Variants in BPIFB3 observed in about 807,000 individuals in gnomAD.
The protein encoded by BPIFB3 is BPI fold-containing family B member 3.
In BPIFB3, 49 loss-of-function variants were observed where a neutral mutation model predicts 53.1. The observed-to-expected ratio is 0.92, with a 90% CI of 0.73 to 1.17. The LOEUF is 1.17. BPIFB3 is among the 50% of genes most tolerant of loss of function. The pLI, the probability that BPIFB3 is intolerant of heterozygous loss-of-function variation, is 0.00. For missense variants in BPIFB3, 628 were observed against 592.5 expected, an observed-to-expected ratio of 1.06 and a Z score of -0.62; for synonymous variants, 271 against 269.6, an observed-to-expected ratio of 1.01 and a Z score of -0.05.
chr20:33,057,058 A>G (rs987705805), intron 2 of BPIFB3, among the ~76,000 whole-genome samples: 1 of 152,092 alleles, frequency 6.6e-6, no homozygotes, highest in Non-Finnish European at 1.5e-5. Context: ...CCCACCATAC[A>G]TTTTACAGGT....
chr20:33,057,194 T>C (rs1980246039), intron 2 of BPIFB3, among the ~76,000 whole-genome samples: 3 of 150,970 alleles, frequency 2.0e-5, no homozygotes, highest in South Asian at 2.1e-4. Flanking sequence ...AGCTTTTTTT[T>C]CCCTTTTTTT....
In BPIFB3 at chr20:33,065,238, T is replaced by C. The variant is rs529201377; in HGVS notation, c.924+393T>C. 2.6e-5 allele frequency among the ~76,000 whole-genome samples: 4 copies of C among 152,228 alleles called. No homozygotes were observed. In the East Asian group the frequency reaches 7.7e-4, roughly 29 times the overall value. ...TTCCACTGCTTTCTCAAGAGCAGATTTGAGTGGGAGAAAAGAAAACTAGGC... is the reference window on the plus strand; with the variant it reads ...TTCCACTGCTTTCTCAAGAGCAGATCTGAGTGGGAGAAAAGAAAACTAGGC... On this transcript the variant is annotated intron_variant, in intron 8 of 14. Transcript: ENST00000375494.
chr20:33,064,947 C>T lies in BPIFB3; in HGVS notation c.924+102C>T, dbSNP rs556510624. ...GCCCTGATCAGCCTTGCTGAGCCCT[C>T]CTCTCTATAATAAAAGGGAGTTGAA... On this transcript the variant is annotated intron_variant, in intron 8 of 14. Transcript: ENST00000375494. 8 of 1,281,578 alleles carry T rather than the reference C, an allele frequency of 6.2e-6. No individual in the cohort carries two copies. In the South Asian group the frequency reaches 1.2e-4, roughly 19 times the overall value. 79.4% of individuals were successfully genotyped at this position (1,281,578 alleles called of 1,614,324 possible). A position where few individuals can be genotyped will look rare whatever the true frequency, so the allele number is the denominator to read the frequency against.
intron 11 of BPIFB3, 118 bp from the exon 13 acceptor site, chr20:33,071,127 TAGAGGCAG>T: frequency 2.0e-6 from 2 of 1,015,712 alleles, no homozygotes; most frequent in South Asian, 3.4e-5. Context: ...CAAGGCTGGA[TAGAGGCAG>T]AGTGTTGGGC....
At chr20:33,061,740 G>A (rs769651867) in intron 4 of BPIFB3, 28 bp from the exon 6 acceptor site, 24 of 1,611,096 alleles carry the variant, frequency 1.5e-5, no homozygotes, top group Admixed American at 3.3e-5. Context: ...CCTGGCAGCC[G>A]CACCCACATG....
At chr20:33,072,611 C>A in intron 13 of BPIFB3, 106 bp from the exon 15 acceptor site, 1 of 912,200 alleles carries the variant, frequency 1.1e-6, no homozygotes. Context: ...AGAGAACTGG[C>A]TGGCTAGTGA....
rs183369594 is a variant in BPIFB3, at chr20:33,072,591, T to C, written c.1325-126T>C. ...TAGGAGTTTGCCAATAAGAAGCTGA[T>C]TCTGTGAGAAGAGAACTGGCTGGCT... On this transcript the variant is annotated intron_variant, in intron 13 of 14. Coordinates refer to ENST00000375494, the Ensembl canonical transcript of BPIFB3. 5.7e-4 allele frequency: 451 copies of C among 785,444 alleles called. 2 individuals are homozygous for C. Among genetic ancestry groups the C allele is most frequent in the Middle Eastern group, 3.6e-3 (15 of 4,220 alleles). 48.7% of individuals were successfully genotyped at this position (785,444 alleles called of 1,614,324 possible).
At position 33,064,440 on chromosome 20, in the gene BPIFB3, C is replaced by T; in HGVS notation, c.653-17C>T. ...CTGGGCTTATAGGGTCGTTCTCGCC[C>T]CCACTTTCCCACGCAGGCCTGGTGT... On this transcript the variant is annotated splice_polypyrimidine_tract_variant and intron_variant, in intron 6 of 14. Transcript: ENST00000375494. 1 of 1,610,498 alleles carries T rather than the reference C, an allele frequency of 6.2e-7. No homozygotes were observed. The highest frequency in any genetic ancestry group is 8.5e-7 in the Non-Finnish European group (1 of 1,176,812).
chr20:33,066,143 G>A (rs1232663705), intron 8 of BPIFB3, among the ~76,000 whole-genome samples: 1 of 152,158 alleles, frequency 6.6e-6, no homozygotes, highest in Admixed American at 6.5e-5. Context: ...TAGTTCGGTG[G>A]GCGGGGGGTG....
chr20:33,070,885 C>G (rs1410354617), intron 11 of BPIFB3, among the ~76,000 whole-genome samples: 1 of 152,160 alleles, frequency 6.6e-6, no homozygotes, highest in Non-Finnish European at 1.5e-5. Context: ...CAGATATGAT[C>G]CATCAGTGAG....
chr20:33,071,419 A>T (rs1980885896), intron 12 of BPIFB3, 124 bp downstream of exon 13: 1 of 1,154,392 alleles, frequency 8.7e-7, no homozygotes, highest in Admixed American at 2.2e-5. Flanking sequence ...GATCCTCCCC[A>T]ATTAAGCCAG....
Position 33,060,162 on chromosome 20 carries a change from G to A in BPIFB3, c.527+131G>A, listed in dbSNP as rs955295846. The A allele has an allele frequency of 1.6e-5, 21 of 1,277,164 alleles. No individual in the cohort carries two copies. The East Asian group carries it at 2.7e-4, about 17-fold the overall frequency. 79.1% of individuals were successfully genotyped at this position (1,277,164 alleles called of 1,614,324 possible). Reference sequence around the variant, plus strand: ...AACTCGTCCTACCCCTGCTTGTCCCGCCGGTTTCAACCCACTTCACAGACC... The same window carrying A: ...AACTCGTCCTACCCCTGCTTGTCCCACCGGTTTCAACCCACTTCACAGACC... On this transcript the variant is annotated intron_variant, in intron 4 of 14. Coordinates refer to ENST00000375494, the Ensembl canonical transcript of BPIFB3.
exon 14 of BPIFB3, chr20:33,072,763 T>A (rs1980960953): frequency 6.2e-7 from 1 of 1,613,748 alleles, no homozygotes; most frequent in South Asian, 1.1e-5. Flanking sequence ...TTAATATCAA[T>A]TTTTCCAATT....
chr20:33,054,738 A>G (rs1028197770), upstream of BPIFB3, among the ~76,000 whole-genome samples: 8 of 152,144 alleles, frequency 5.3e-5, no homozygotes, highest in Non-Finnish European at 1.0e-4. Flanking sequence ...GTGGGCATAG[A>G]TGGATATGTG....
chr20:33,067,920 C>G (rs145053475), intron 9 of BPIFB3, among the ~76,000 whole-genome samples: 1 of 152,188 alleles, frequency 6.6e-6, no homozygotes, highest in Non-Finnish European at 1.5e-5. Flanking sequence ...CTTGAGGAAA[C>G]CTAGACTCAA....
chr20:33,060,741 T>G (rs1414967436), intron 4 of BPIFB3, among the ~76,000 whole-genome samples: 1 of 152,156 alleles, frequency 6.6e-6, no homozygotes, highest in Non-Finnish European at 1.5e-5. Flanking sequence ...ATTTTTGTAT[T>G]TTTAATAGAG....
chr20:33,064,360 C>CTA, intron 6 of BPIFB3, 97 bp from the exon 8 acceptor site: 1 of 977,868 alleles, frequency 1.0e-6, no homozygotes, highest in South Asian at 1.4e-5. Flanking sequence ...TAGTAGAGTG[C>CTA]TAGGCATTCA....
intron 9 of BPIFB3, among the ~76,000 whole-genome samples, chr20:33,068,463 C>T (rs1395342600): frequency 6.6e-6 from 1 of 152,172 alleles, no homozygotes; most frequent in Non-Finnish European, 1.5e-5. Context: ...GGAGCAGCCA[C>T]GTGGCCAGTG....
intron 10 of BPIFB3, 124 bp from the exon 12 acceptor site, chr20:33,069,764 C>G: frequency 2.1e-6 from 2 of 953,572 alleles, no homozygotes; most frequent in Non-Finnish European, 3.4e-6. Context: ...GGGCTCAGCA[C>G]AGACCCTGAC....
Sources: allele counts gnomAD v4.1 joint callset (sites outside exome capture counted in the v4.1 genomes callset), GRCh38; gene constraint gnomAD v4.1.1; transcripts MANE v1.5; gene names NCBI Gene and HGNC (gene_info 2026-07-23, HGNC 2026-07-21).